Variants in TGS1 observed in about 807,000 individuals in gnomAD.
The protein encoded by TGS1 is trimethylguanosine synthase.
Under a neutral mutation model 92.2 loss-of-function variants are expected in TGS1, and 69 were observed. The ratio of observed to expected loss-of-function variants is 0.75; its 90% CI spans 0.62 to 0.91. The LOEUF (loss-of-function observed/expected upper bound fraction) is 0.91, where lower values mean the gene tolerates loss of function less well. TGS1 is among the 40% of genes least tolerant of loss of function. The probability of loss-of-function intolerance (pLI) is 0.00; values close to 1 mark genes in which losing one functional copy is unlikely to be tolerated. For missense variants in TGS1, 1,062 were observed against 1,001.2 expected, an observed-to-expected ratio of 1.06 and a Z score of -0.82; for synonymous variants, 345 against 338.1, an observed-to-expected ratio of 1.02 and a Z score of -0.22.
chr8:55,811,173 GTGT>G, intron 11 of TGS1, 76 bp downstream of exon 11: 4 of 588,438 alleles, frequency 6.8e-6, no homozygotes, highest in Non-Finnish European at 1.1e-5. Flanking sequence ...GAGAGAGGGA[GTGT>G]GGGTGGGTGG....
chr8:55,811,144 G>A, intron 11 of TGS1, 47 bp downstream of exon 11: 1 of 883,540 alleles, frequency 1.1e-6, no homozygotes, highest in Non-Finnish European at 1.7e-6. Context: ...TGATTGTGGA[G>A]AGAAAGGAGC....
Position 55,787,811 on chromosome 8 carries a change from ACTC to A in TGS1, c.1162+754_1162+756del, listed in dbSNP as rs551259096. ...TACAGGAAGCATAGTCTCAGCATCA[ACTC>A]CTGGTGAGGGCCTCAGGAACCTTCC... On this transcript the variant is annotated intron_variant, in intron 4 of 12. Transcript: ENST00000260129. Among the ~76,000 whole-genome samples, 14 of 152,274 alleles carry A rather than the reference ACTC, an allele frequency of 9.2e-5. No homozygotes were observed. In the South Asian group the frequency reaches 2.9e-3, roughly 32 times the overall value.
At chr8:55,790,149 G>C in intron 4 of TGS1, 33 bp from the exon 5 acceptor site, 1 of 1,536,806 alleles carries the variant, frequency 6.5e-7, no homozygotes, top group Non-Finnish European at 9.0e-7. Flanking sequence ...AAACCAAGGG[G>C]GAAAAGCTAC....
rs1330551685 is a variant in TGS1, at chr8:55,773,451, C to T, written c.-168C>T. ...TCCCGTGGCCCCTCGGAGCCACTTCCGGCGGCAGCGTCCGGGCTAGTTCCC... is the reference window on the plus strand; with the variant it reads ...TCCCGTGGCCCCTCGGAGCCACTTCTGGCGGCAGCGTCCGGGCTAGTTCCC... On this transcript the variant is annotated 5_prime_UTR_variant, in exon 1 of 13. Transcript: ENST00000260129. 7.8e-6 allele frequency: 4 copies of T among 512,702 alleles called. No homozygotes were observed. Among genetic ancestry groups the T allele is most frequent in the Non-Finnish European group, 1.4e-5 (4 of 296,030 alleles). The allele number at this position is 512,702 out of a possible 1,614,324, so 31.8% of individuals were successfully genotyped here. A position where few individuals can be genotyped will look rare whatever the true frequency, so the allele number is the denominator to read the frequency against.
chr8:55,803,281 T>C (rs1812272862), intron 9 of TGS1, among the ~76,000 whole-genome samples: 1 of 152,234 alleles, frequency 6.6e-6, no homozygotes, highest in South Asian at 2.1e-4. Flanking sequence ...TACAATTTAA[T>C]GAATTAACTT....
At chr8:55,798,522 G>A (rs1052846689) in intron 7 of TGS1, among the ~76,000 whole-genome samples, 1 of 152,118 alleles carries the variant, frequency 6.6e-6, no homozygotes, top group Admixed American at 6.5e-5. Flanking sequence ...TTGCAGAAAG[G>A]TCTATATAAT....
chr8:55,797,958 A>G (rs1367172194), intron 7 of TGS1, among the ~76,000 whole-genome samples: 1 of 152,160 alleles, frequency 6.6e-6, no homozygotes, highest in Non-Finnish European at 1.5e-5. Flanking sequence ...GCTGCTGGTG[A>G]TGTTTTAATA....
intron 8 of TGS1, among the ~76,000 whole-genome samples, chr8:55,802,207 AAATG>A (rs1227338752): frequency 1.3e-5 from 2 of 152,128 alleles, no homozygotes; most frequent in Non-Finnish European, 2.9e-5. Context: ...ATAAATAAAT[AAATG>A]AATGAATGAA....
chr8:55,779,088 C>A (rs1811481070), intron 1 of TGS1, among the ~76,000 whole-genome samples: 1 of 152,132 alleles, frequency 6.6e-6, no homozygotes. Context: ...GAAATTACAA[C>A]AAATCTTCTA....
At chr8:55,773,833 G>T in intron 1 of TGS1, 114 bp downstream of exon 1, 1 of 812,438 alleles carries the variant, frequency 1.2e-6, no homozygotes, top group South Asian at 1.6e-5. Context: ...TCTGACCCTT[G>T]GGCACGGTGA....
intron 10 of TGS1, among the ~76,000 whole-genome samples, chr8:55,809,306 T>C (rs553681762): frequency 6.6e-6 from 1 of 152,216 alleles, no homozygotes; most frequent in East Asian, 1.9e-4. Context: ...TCCAGTAGTT[T>C]AGCAACAGTA....
chr8:55,799,051 TGAC>T lies in TGS1; in HGVS notation c.1681_1683del (p.Asp561del), dbSNP rs1299252677. The T allele has an allele frequency of 6.2e-7, 1 of 1,614,208 alleles. No individual in the cohort carries two copies. The highest frequency in any genetic ancestry group is 8.5e-7 in the Non-Finnish European group (1 of 1,180,038). Reference sequence around the variant, plus strand: ...AAGACATGTCTGTTAAAAAAGGTGATGACCTACTGGAGACTAATAATCCAGAAC... The same window carrying T: ...AAGACATGTCTGTTAAAAAAGGTGATCTACTGGAGACTAATAATCCAGAAC... On this transcript the variant is annotated inframe_deletion, in exon 8 of 13. Transcript: ENST00000260129.
intron 12 of TGS1, among the ~76,000 whole-genome samples, chr8:55,821,001 G>T (rs754912488): frequency 6.6e-6 from 1 of 152,208 alleles, no homozygotes; most frequent in Non-Finnish European, 1.5e-5. Flanking sequence ...AAAGTTATTT[G>T]CTTGAACTAC....
chr8:55,818,833 C>G (rs529634632), intron 12 of TGS1, among the ~76,000 whole-genome samples: 1 of 152,214 alleles, frequency 6.6e-6, no homozygotes, highest in Non-Finnish European at 1.5e-5. Flanking sequence ...GTGCTGATAG[C>G]CTGTGCTTTC....
At chr8:55,820,067 T>C (rs1032384077) in intron 12 of TGS1, among the ~76,000 whole-genome samples, 1 of 152,220 alleles carries the variant, frequency 6.6e-6, no homozygotes, top group African/African-American at 2.4e-5. Context: ...GTATCATAGA[T>C]ATAATCTCTT....
intron 10 of TGS1, among the ~76,000 whole-genome samples, chr8:55,807,947 A>G (rs1259204548): frequency 6.6e-6 from 1 of 152,228 alleles, no homozygotes; most frequent in Non-Finnish European, 1.5e-5. Flanking sequence ...TTACTAATTT[A>G]TATGAAGTTA....
In TGS1 at chr8:55,799,251, G is replaced by A. The variant is rs1342482999; in HGVS notation, c.1849+31G>A. On this transcript the variant is annotated intron_variant, in intron 8 of 12. Transcript: ENST00000260129. ...ACTAAATATGCTTCAACTTGCTAAT[G>A]GATTTAGATAAAATTTTTTTTGTTA... 15 of 1,549,142 alleles carry A rather than the reference G, an allele frequency of 9.7e-6. 1 individual carries two copies. In the South Asian group the frequency reaches 1.5e-4, roughly 15 times the overall value.
chr8:55,807,659 C>G (rs868853751), intron 10 of TGS1, among the ~76,000 whole-genome samples: 1 of 152,078 alleles, frequency 6.6e-6, no homozygotes, highest in Non-Finnish European at 1.5e-5. Context: ...TCCCAAGTAG[C>G]TGAGACTACA....
In TGS1 at chr8:55,786,539, G is replaced by A. The variant is rs772333267; in HGVS notation, c.641G>A (p.Trp214Ter). Residue 214 changes from tryptophan (W) to a stop codon, truncating the protein, a stop_gained, in exon 4 of 13, where the codon TGG (tryptophan) becomes TAG (stop). Transcript: ENST00000260129. LOFTEE classifies it high-confidence loss of function. ...GGAGGAGGACTATTGTGGCAAAGTT[G>A]GCAAGAAAAACATCCGGGTCAAGCA... The part of the protein sequence containing the change: ...EYGGGLLWQS[W>*]QEKHPGQALS... The A allele has an allele frequency of 1.2e-6, 2 of 1,614,176 alleles. No individual in the cohort carries two copies. The highest frequency in any genetic ancestry group is 1.7e-6 in the Non-Finnish European group (2 of 1,180,028).
Sources: gnomAD v4.1 joint callset for allele counts (sites outside exome capture counted in the v4.1 genomes callset) on GRCh38, gnomAD v4.1.1 for gene constraint, MANE v1.5 for transcripts, NCBI Gene and HGNC (gene_info 2026-07-23, HGNC 2026-07-21) for gene names.